The following STARD13 variants were observed in gnomAD, a reference collection of about 807,000 sequenced individuals.
STARD13 encodes stAR-related lipid transfer protein 13.
A neutral mutation model predicts 106.4 loss-of-function variants in STARD13; 62 were observed. That is an observed-to-expected ratio of 0.58 (90% CI 0.48 to 0.72). The LOEUF is 0.72. STARD13 is among the 30% of genes least tolerant of loss of function. The pLI is 0.00. For missense variants in STARD13, 1,387 were observed against 1,424.0 expected, an observed-to-expected ratio of 0.97 and a Z score of 0.42; for synonymous variants, 565 against 553.0, an observed-to-expected ratio of 1.02 and a Z score of -0.31.
intron 1 of STARD13, among the ~76,000 whole-genome samples, chr13:33,228,241 T>C (rs1888722362): frequency 6.6e-6 from 1 of 152,188 alleles, no homozygotes; most frequent in African/African-American, 2.4e-5. Flanking sequence ...TTGCAGCCTC[T>C]GGCGAAGGCT....
chr13:33,615,255 A>G, the STARD13 span, among the ~76,000 whole-genome samples: 1 of 152,118 alleles, frequency 6.6e-6, no homozygotes, highest in Non-Finnish European at 1.5e-5. Context: ...GTGGGAGTCA[A>G]TTTGGCCTAA....
chr13:33,221,512 C>T (rs1888353947), intron 1 of STARD13, among the ~76,000 whole-genome samples: 1 of 152,204 alleles, frequency 6.6e-6, no homozygotes, highest in Non-Finnish European at 1.5e-5. Context: ...ATGCATCCCC[C>T]TCTTCCCTCT....
chr13:33,324,638 T>TC (rs764180052), intron 1 of STARD13, among the ~76,000 whole-genome samples: 1 of 152,122 alleles, frequency 6.6e-6, no homozygotes, highest in Non-Finnish European at 1.5e-5. Context: ...GTCTTTTCTA[T>TC]CCCCCCAATG....
rs372409764 is a variant in STARD13, at chr13:33,284,088, T to G, written c.169+1382A>C. ...AAAACCAAAGTGGAGCTGGTTTTTA[T>G]TCTAAGCCTAAAGTATTTTTAAATC... On this transcript the variant is annotated intron_variant, in intron 1 of 13. Transcript: ENST00000336934. 1.4e-3 allele frequency among the ~76,000 whole-genome samples: 217 copies of G among 152,312 alleles called. 2 individuals carry two copies. Among genetic ancestry groups the G allele is most frequent in the African/African-American group, 5.0e-3 (209 of 41,580 alleles).
chr13:33,631,273 G>A, the STARD13 span, among the ~76,000 whole-genome samples: 1 of 152,154 alleles, frequency 6.6e-6, no homozygotes, highest in South Asian at 2.1e-4. Flanking sequence ...TCCTTCTGAA[G>A]AAATGGCAGG....
chr13:33,553,271 G>A, the STARD13 span, among the ~76,000 whole-genome samples: 1 of 151,956 alleles, frequency 6.6e-6, no homozygotes, highest in Admixed American at 6.6e-5. Context: ...CACCTAGGTA[G>A]GAGATTAGTC....
intron 8 of STARD13, among the ~76,000 whole-genome samples, chr13:33,116,847 G>C (rs889821487): frequency 6.6e-6 from 1 of 152,224 alleles, no homozygotes; most frequent in Non-Finnish European, 1.5e-5. Flanking sequence ...GTTTTCACAA[G>C]TGGTTCTGAT....
the STARD13 span, among the ~76,000 whole-genome samples, chr13:33,517,287 C>T: frequency 6.6e-6 from 1 of 152,070 alleles, no homozygotes; most frequent in African/African-American, 2.4e-5. Context: ...TTCGTTTTGC[C>T]TACCTCTACC....
chr13:33,330,633 A>T (rs2077826090), intron 1 of STARD13, among the ~76,000 whole-genome samples: 1 of 152,220 alleles, frequency 6.6e-6, no homozygotes, highest in African/African-American at 2.4e-5. Flanking sequence ...TTCTAAAGTA[A>T]CTATTGCGCA....
the STARD13 span, among the ~76,000 whole-genome samples, chr13:33,579,458 T>TG: frequency 6.6e-6 from 1 of 151,854 alleles, no homozygotes; most frequent in Non-Finnish European, 1.5e-5. Flanking sequence ...CACAAAACCA[T>TG]GCAGGGTGGT....
the STARD13 span, among the ~76,000 whole-genome samples, chr13:33,542,389 G>C: frequency 9.2e-5 from 14 of 152,216 alleles, no homozygotes; most frequent in African/African-American, 3.1e-4. Context: ...AAGCCTTCCA[G>C]AAACCTGACT....
intron 1 of STARD13, among the ~76,000 whole-genome samples, chr13:33,322,770 T>C (rs1193764971): frequency 6.6e-6 from 1 of 152,242 alleles, no homozygotes; most frequent in African/African-American, 2.4e-5. Flanking sequence ...TTTAAAAACC[T>C]AAGTCGATAT....
intron 1 of STARD13, chr13:33,350,246 G>T (rs984769177): frequency 6.0e-6 from 9 of 1,501,716 alleles, no homozygotes; most frequent in Non-Finnish European, 8.0e-6. Context: ...CGGGGCCGGC[G>T]CCTCCCCCGC....
chr13:33,435,433 A>C, the STARD13 span, among the ~76,000 whole-genome samples: 3 of 152,204 alleles, frequency 2.0e-5, no homozygotes, highest in Non-Finnish European at 4.4e-5. Context: ...CTTAAGCTTT[A>C]TGTGGCACTT....
intron 1 of STARD13, among the ~76,000 whole-genome samples, chr13:33,328,179 C>T (rs191850698): frequency 7.9e-5 from 12 of 152,236 alleles, no homozygotes; most frequent in Admixed American, 4.6e-4. Flanking sequence ...CTAGATTAAG[C>T]AGGATCCAGG....
the STARD13 span, among the ~76,000 whole-genome samples, chr13:33,610,073 C>A: frequency 6.6e-6 from 1 of 151,570 alleles, no homozygotes; most frequent in Non-Finnish European, 1.5e-5. Flanking sequence ...TTGATATTCA[C>A]AATGATAAAT....
the STARD13 span, among the ~76,000 whole-genome samples, chr13:33,632,281 C>T: frequency 0.031 from 4,696 of 152,204 alleles, 191 homozygotes; most frequent in East Asian, 0.16. Flanking sequence ...GAAAATGTTC[C>T]GGTACATTCT....
chr13:33,397,860 T>C, the STARD13 span, among the ~76,000 whole-genome samples: 1 of 152,188 alleles, frequency 6.6e-6, no homozygotes, highest in African/African-American at 2.4e-5. Context: ...GACAGCATTC[T>C]CAATTTAACC....
chr13:33,295,689 T>A (rs2138445217), intron 1 of STARD13, among the ~76,000 whole-genome samples: 1 of 151,588 alleles, frequency 6.6e-6, no homozygotes, highest in African/African-American at 2.4e-5. Context: ...ATGACAGAGG[T>A]GTGCAGAGGG....
Sources: gnomAD v4.1 joint callset for allele counts (sites outside exome capture counted in the v4.1 genomes callset) on GRCh38, gnomAD v4.1.1 for gene constraint, MANE v1.5 for transcripts, NCBI Gene and HGNC (gene_info 2026-07-23, HGNC 2026-07-21) for gene names.